PHACTR1: variants seen among roughly 807,000 people sequenced by gnomAD.
PHACTR1 encodes RPEL repeat containing 1.
Under a neutral mutation model 69.2 loss-of-function variants are expected in PHACTR1, and 16 were observed. That is an observed-to-expected ratio of 0.23 (90% CI 0.16 to 0.35). The LOEUF (loss-of-function observed/expected upper bound fraction) is 0.35, where lower values mean the gene tolerates loss of function less well. PHACTR1 is among the 10% of genes least tolerant of loss of function. The probability of loss-of-function intolerance (pLI) is 1.00; values close to 1 mark genes in which losing one functional copy is unlikely to be tolerated. For synonymous variants in PHACTR1, 312 were observed against 284.5 expected, an observed-to-expected ratio of 1.10 and a Z score of -0.97; for missense variants, 510 against 734.7, an observed-to-expected ratio of 0.69 and a Z score of 3.54.
intron 4 of PHACTR1, among the ~76,000 whole-genome samples, chr6:12,982,932 T>G (rs967904922): frequency 6.6e-6 from 1 of 152,206 alleles, no homozygotes; most frequent in Admixed American, 6.5e-5. Flanking sequence ...TGTAAATGAA[T>G]TTTTGAATTT....
intron 4 of PHACTR1, among the ~76,000 whole-genome samples, chr6:13,026,707 G>A (rs1238765552): frequency 4.6e-5 from 7 of 152,174 alleles, no homozygotes; most frequent in South Asian, 2.1e-4. Flanking sequence ...AGGTGAAAGC[G>A]CAGAGGGAGC....
intron 4 of PHACTR1, among the ~76,000 whole-genome samples, chr6:12,803,549 G>C (rs1047196410): frequency 6.6e-6 from 1 of 152,232 alleles, no homozygotes; most frequent in African/African-American, 2.4e-5. Flanking sequence ...CACTCTTAGA[G>C]TGTAAAATGT....
chr6:13,203,450 C>T (rs1765498525), intron 7 of PHACTR1, among the ~76,000 whole-genome samples: 2 of 152,090 alleles, frequency 1.3e-5, no homozygotes, highest in South Asian at 2.1e-4. Context: ...TACAAAGAGC[C>T]CTTAGAACAG....
intron 3 of PHACTR1, among the ~76,000 whole-genome samples, chr6:12,738,132 T>C (rs890104563): frequency 3.3e-5 from 5 of 152,196 alleles, no homozygotes; most frequent in Non-Finnish European, 7.3e-5. Context: ...TCTGGAATAA[T>C]TTCACACCCT....
At chr6:12,771,065 G>C (rs778465040) in intron 4 of PHACTR1, among the ~76,000 whole-genome samples, 4 of 152,226 alleles carry the variant, frequency 2.6e-5, no homozygotes, top group Non-Finnish European at 5.9e-5. Context: ...CAGGGCCCCA[G>C]AGGCTTTTGC....
intron 4 of PHACTR1, among the ~76,000 whole-genome samples, chr6:12,779,230 A>G (rs539646631): frequency 2.5e-4 from 38 of 152,202 alleles, no homozygotes; most frequent in African/African-American, 8.4e-4. Flanking sequence ...AGCTACTTGC[A>G]AGGCTGAGGC....
At chr6:12,996,859 A>T (rs945410146) in intron 4 of PHACTR1, among the ~76,000 whole-genome samples, 1 of 152,234 alleles carries the variant, frequency 6.6e-6, no homozygotes, top group Non-Finnish European at 1.5e-5. Context: ...ACTATTTGAT[A>T]ACTTTTTAAA....
At chr6:12,742,901 T>G (rs1350566579) in intron 3 of PHACTR1, among the ~76,000 whole-genome samples, 1 of 152,176 alleles carries the variant, frequency 6.6e-6, no homozygotes, top group Non-Finnish European at 1.5e-5. Context: ...AAATATTCAG[T>G]AAGCTTATCT....
At chr6:13,084,101 A>C (rs1811869891) in intron 5 of PHACTR1, among the ~76,000 whole-genome samples, 2 of 152,070 alleles carry the variant, frequency 1.3e-5, no homozygotes, top group South Asian at 4.1e-4. Flanking sequence ...ACTATTCACA[A>C]TAGCAAAGAC....
At position 13,284,559 on chromosome 6, in the gene PHACTR1, T is replaced by TATATAC. The variant is rs1781175904; in HGVS notation, c.1650+1002_1650+1003insCATATA. Among the ~76,000 whole-genome samples the TATATAC allele has an allele frequency of 1.7e-5, 2 of 115,854 alleles. 1 individual carries two copies. The highest frequency in any genetic ancestry group is 8.5e-5 in the African/African-American group (2 of 23,420). The allele number at this position is 115,854 out of a possible 152,430, so 76.0% of individuals were successfully genotyped here. Reference sequence around the variant, plus strand: ...AAAAAAAAAAATATATATATATATATATATATATATAGATACACGTATATA... The same window carrying TATATAC: ...AAAAAAAAAAATATATATATATATATATATACATATATATATAGATACACGTATATA... On this transcript the variant is annotated intron_variant, in intron 13 of 14. Coordinates refer to ENST00000332995, the MANE Select transcript of PHACTR1 (RefSeq NM_030948.6).
At chr6:12,955,192 C>CT (rs1161324144) in intron 4 of PHACTR1, among the ~76,000 whole-genome samples, 4,802 of 103,248 alleles carry the variant, frequency 0.047, 254 homozygotes, top group Admixed American at 0.078. Flanking sequence ...TGTATTTCCT[C>CT]TTTTTTTTTT....
At chr6:13,048,585 A>T (rs929060007) in intron 4 of PHACTR1, among the ~76,000 whole-genome samples, 7 of 145,560 alleles carry the variant, frequency 4.8e-5, no homozygotes, top group Non-Finnish European at 9.0e-5. Flanking sequence ...CCTATGCTGG[A>T]GTGTAATGGT....
At chr6:12,995,464 C>T (rs1008431562) in intron 4 of PHACTR1, among the ~76,000 whole-genome samples, 10 of 151,186 alleles carry the variant, frequency 6.6e-5, no homozygotes, top group South Asian at 2.1e-4. Flanking sequence ...AAATATTAAC[C>T]GAAAGTAAAC....
chr6:13,263,133 T>A (rs1038846312), intron 10 of PHACTR1, among the ~76,000 whole-genome samples: 1 of 152,150 alleles, frequency 6.6e-6, no homozygotes, highest in Non-Finnish European at 1.5e-5. Flanking sequence ...GCAAAGACAA[T>A]GCTGCCTGCT....
chr6:12,917,806 A>G (rs1389421886), intron 4 of PHACTR1, among the ~76,000 whole-genome samples: 1 of 152,124 alleles, frequency 6.6e-6, no homozygotes, highest in African/African-American at 2.4e-5. Flanking sequence ...GCTCAAACCG[A>G]GAGGTGAATA....
intron 4 of PHACTR1, among the ~76,000 whole-genome samples, chr6:12,766,521 G>C (rs1768636682): frequency 6.6e-6 from 1 of 152,154 alleles, no homozygotes; most frequent in Non-Finnish European, 1.5e-5. Context: ...AGAGCTGACT[G>C]TGCATATCTC....
At chr6:12,722,381 A>G (rs1762236074) in intron 3 of PHACTR1, among the ~76,000 whole-genome samples, 1 of 152,234 alleles carries the variant, frequency 6.6e-6, no homozygotes, top group South Asian at 2.1e-4. Flanking sequence ...TTCCAGGAAG[A>G]TAACACCTTC....
intron 4 of PHACTR1, among the ~76,000 whole-genome samples, chr6:12,909,089 T>C (rs1786072041): frequency 6.6e-6 from 1 of 152,080 alleles, no homozygotes; most frequent in East Asian, 1.9e-4. Flanking sequence ...AGAGGTGAAG[T>C]CTCCAGGACT....
chr6:13,057,212 A>G (rs1172192995), intron 5 of PHACTR1, among the ~76,000 whole-genome samples: 2 of 152,196 alleles, frequency 1.3e-5, no homozygotes, highest in African/African-American at 4.8e-5. Context: ...TGATTTGATC[A>G]CTACACATTG....
Sources: gnomAD v4.1 joint callset for allele counts (sites outside exome capture counted in the v4.1 genomes callset) on GRCh38, gnomAD v4.1.1 for gene constraint, MANE v1.5 for transcripts, NCBI Gene and HGNC (gene_info 2026-07-23, HGNC 2026-07-21) for gene names.